Variants in DGKB observed in about 807,000 individuals in gnomAD.
DGKB encodes 90 kDa diacylglycerol kinase.
In DGKB, 67 loss-of-function variants were observed where a neutral mutation model predicts 114.3. The ratio of observed to expected loss-of-function variants is 0.59; its 90% CI spans 0.48 to 0.72. The LOEUF is 0.72. Ranked by LOEUF, DGKB falls within the 30% of genes least tolerant of loss-of-function variation. The pLI is 0.00. For synonymous variants in DGKB, 398 were observed against 323.1 expected, an observed-to-expected ratio of 1.23 and a Z score of -2.49; for missense variants, 907 against 975.2, an observed-to-expected ratio of 0.93 and a Z score of 0.93.
rs572227425 is a variant in DGKB, at chr7:14,765,796, A to G, written c.71-8065T>C. ...AACTAAAAACTTCTATTGAAAACAT[A>G]ATTGCTAATTAAGAGATACTATTAG... On this transcript the variant is annotated intron_variant, in intron 2 of 25. Coordinates refer to ENST00000402815, the MANE Select transcript of DGKB (RefSeq NM_001350709.2). Among the ~76,000 whole-genome samples, 5 of 152,086 alleles carry G rather than the reference A, an allele frequency of 3.3e-5. No individual in the cohort carries two copies. The East Asian group carries it at 7.7e-4, about 24-fold the overall frequency.
chr7:14,853,148 C>A (rs376899046), intron 1 of DGKB, among the ~76,000 whole-genome samples: 1 of 152,072 alleles, frequency 6.6e-6, no homozygotes, highest in East Asian at 1.9e-4. Context: ...ACTATTGAAG[C>A]ACGCGAGGGA....
chr7:14,349,806 A>T (rs1343071830), intron 21 of DGKB, among the ~76,000 whole-genome samples: 4 of 152,140 alleles, frequency 2.6e-5, no homozygotes, highest in African/African-American at 9.6e-5. Flanking sequence ...TTTATGATTC[A>T]CATTAGAAAA....
chr7:14,842,107 TATCAGAGACTATA>T (rs1482755218), intron 1 of DGKB, among the ~76,000 whole-genome samples: 2 of 152,256 alleles, frequency 1.3e-5, no homozygotes, highest in African/African-American at 4.8e-5. Flanking sequence ...TCAACATTTT[TATCAGAGACTATA>T]ATCAATTGCT....
chr7:14,893,890 T>C (rs561431911), intron 1 of DGKB, among the ~76,000 whole-genome samples: 31 of 151,440 alleles, frequency 2.0e-4, no homozygotes, highest in African/African-American at 7.2e-4. Flanking sequence ...AATTTATACA[T>C]GTGTCTTCCT....
At chr7:14,846,259 C>G (rs1848613177) in intron 1 of DGKB, among the ~76,000 whole-genome samples, 1 of 152,026 alleles carries the variant, frequency 6.6e-6, no homozygotes, top group Non-Finnish European at 1.5e-5. Flanking sequence ...TGAATAAATC[C>G]TCTCTTTCTC....
chr7:14,917,487 T>C (rs1263839140), intron 1 of DGKB, among the ~76,000 whole-genome samples: 1 of 151,954 alleles, frequency 6.6e-6, no homozygotes, highest in Non-Finnish European at 1.5e-5. Flanking sequence ...AAAGAAATGC[T>C]ATACACAACT....
intron 2 of DGKB, among the ~76,000 whole-genome samples, chr7:14,783,627 G>A (rs143271092): frequency 1.3e-5 from 2 of 152,098 alleles, no homozygotes; most frequent in Non-Finnish European, 2.9e-5. Context: ...TCCAATACAA[G>A]AATTATTATT....
At chr7:14,401,985 CACCCG>C (rs201537202) in intron 21 of DGKB, among the ~76,000 whole-genome samples, 11 of 149,492 alleles carry the variant, frequency 7.4e-5, no homozygotes, top group African/African-American at 1.5e-4. Flanking sequence ...CACACACACA[CACCCG>C]CTATTCAGCT....
chr7:14,361,776 G>A (rs550666885), intron 21 of DGKB, among the ~76,000 whole-genome samples: 6 of 152,018 alleles, frequency 3.9e-5, no homozygotes, highest in African/African-American at 1.2e-4. Flanking sequence ...AATAAATGGA[G>A]ACGAATTCCA....
At chr7:14,502,715 C>T (rs1055364649) in intron 20 of DGKB, among the ~76,000 whole-genome samples, 11 of 152,064 alleles carry the variant, frequency 7.2e-5, no homozygotes, top group Non-Finnish European at 1.5e-4. Context: ...CATAAAGTAT[C>T]TATATGCATA....
At chr7:14,460,554 A>C (rs1832933679) in intron 21 of DGKB, among the ~76,000 whole-genome samples, 1 of 152,106 alleles carries the variant, frequency 6.6e-6, no homozygotes, top group African/African-American at 2.4e-5. Context: ...AGAAGAGCTA[A>C]CTCTCCTAAA....
chr7:14,736,727 A>C lies in DGKB; in HGVS notation c.169-533T>G, dbSNP rs75432213. ...AATGCCAAGCTCTATTGATAAACCTAAAACTTCATACGCAGACTTTCCAAA... is the reference window on the plus strand; with the variant it reads ...AATGCCAAGCTCTATTGATAAACCTCAAACTTCATACGCAGACTTTCCAAA... On this transcript the variant is annotated intron_variant, in intron 4 of 25. Transcript: ENST00000402815. 9.5e-3 allele frequency among the ~76,000 whole-genome samples: 1,451 copies of C among 152,358 alleles called. 20 individuals are homozygous for C. Among genetic ancestry groups the C allele is most frequent in the African/African-American group, 0.032 (1,348 of 41,588 alleles).
At chr7:14,877,149 GTC>G (rs1853414690) in intron 1 of DGKB, among the ~76,000 whole-genome samples, 1 of 152,168 alleles carries the variant, frequency 6.6e-6, no homozygotes, top group East Asian at 1.9e-4. Context: ...ACCACATGTT[GTC>G]TCTCTTTTTA....
At chr7:14,293,165 A>C (rs191585970) in intron 23 of DGKB, among the ~76,000 whole-genome samples, 5 of 152,178 alleles carry the variant, frequency 3.3e-5, no homozygotes, top group Admixed American at 3.3e-4. Context: ...TACATGCATT[A>C]TGTTAACAAA....
intron 20 of DGKB, among the ~76,000 whole-genome samples, chr7:14,531,516 A>G (rs1222336868): frequency 2.0e-5 from 3 of 151,542 alleles, no homozygotes; most frequent in Admixed American, 1.3e-4. Context: ...AACTTGCATT[A>G]TAAGAACTAA....
At chr7:14,740,619 A>G (rs1832441025) in intron 4 of DGKB, among the ~76,000 whole-genome samples, 1 of 152,170 alleles carries the variant, frequency 6.6e-6, no homozygotes. Flanking sequence ...ATGGAAGTTA[A>G]AAGGCAAACA....
intron 20 of DGKB, among the ~76,000 whole-genome samples, chr7:14,494,597 A>G (rs944269943): frequency 6.6e-6 from 1 of 151,962 alleles, no homozygotes; most frequent in African/African-American, 2.4e-5. Context: ...ACCACCTTAA[A>G]TTAGTCTCAC....
chr7:14,841,681 AT>A (rs2094874262), intron 1 of DGKB, among the ~76,000 whole-genome samples: 2 of 152,142 alleles, frequency 1.3e-5, no homozygotes, highest in Non-Finnish European at 2.9e-5. Flanking sequence ...GTCTGTACCA[AT>A]TTTTTAATAT....
At chr7:14,576,081 C>T (rs931541148) in intron 19 of DGKB, among the ~76,000 whole-genome samples, 7 of 151,946 alleles carry the variant, frequency 4.6e-5, no homozygotes, top group African/African-American at 1.2e-4. Context: ...CAATAAGTAA[C>T]GATTACATAA....
Sources: allele counts gnomAD v4.1 joint callset (sites outside exome capture counted in the v4.1 genomes callset), GRCh38; gene constraint gnomAD v4.1.1; transcripts MANE v1.5; gene names NCBI Gene and HGNC (gene_info 2026-07-23, HGNC 2026-07-21).